The following AGBL1 variants were observed in gnomAD, a reference collection of about 807,000 sequenced individuals.
AGBL1 encodes cytosolic carboxypeptidase 4.
AGBL1 carries 130 observed loss-of-function variants against 118.9 expected under a neutral mutation model. The ratio of observed to expected loss-of-function variants is 1.09; its 90% confidence interval spans 0.95 to 1.26. AGBL1 has a LOEUF of 1.26. Among genes scored for constraint, AGBL1 ranks in the 50% most tolerant of loss-of-function variants. AGBL1 has a pLI of 0.00. For missense variants in AGBL1, 1,584 were observed against 1,298.1 expected, an observed-to-expected ratio of 1.22 and a Z score of -3.38; for synonymous variants, 555 against 478.9, an observed-to-expected ratio of 1.16 and a Z score of -2.08.
At chr15:86,978,412 T>A (rs971743025) in intron 23 of AGBL1, among the ~76,000 whole-genome samples, 2 of 152,122 alleles carry the variant, frequency 1.3e-5, no homozygotes, top group African/African-American at 4.8e-5. Context: ...CAGACCAAAT[T>A]TAGCAACGAA....
At chr15:86,782,681 A>T (rs1426988303) in intron 22 of AGBL1, among the ~76,000 whole-genome samples, 1 of 152,220 alleles carries the variant, frequency 6.6e-6, no homozygotes, top group Admixed American at 6.5e-5. Flanking sequence ...TATCAATCAA[A>T]TTCAGGATCG....
intron 22 of AGBL1, among the ~76,000 whole-genome samples, chr15:86,856,049 C>T (rs2079475240): frequency 6.6e-6 from 1 of 152,258 alleles, no homozygotes; most frequent in East Asian, 1.9e-4. Context: ...AATGTACCCT[C>T]TCACAGTCCC....
intron 22 of AGBL1, among the ~76,000 whole-genome samples, chr15:86,689,682 A>G (rs2086128379): frequency 6.6e-6 from 1 of 151,920 alleles, no homozygotes; most frequent in South Asian, 2.1e-4. Context: ...CCTATTAGAG[A>G]ACTTTTATGT....
At chr15:86,791,958 AC>A (rs1428847629) in intron 22 of AGBL1, among the ~76,000 whole-genome samples, 6 of 151,158 alleles carry the variant, frequency 4.0e-5, no homozygotes, top group Non-Finnish European at 5.9e-5. Flanking sequence ...CTGGTCTTGA[AC>A]TCCTGGCCTC....
chr15:86,720,405 T>A (rs1409731403), intron 22 of AGBL1, among the ~76,000 whole-genome samples: 1 of 152,192 alleles, frequency 6.6e-6, no homozygotes, highest in African/African-American at 2.4e-5. Flanking sequence ...ACCAACTTAT[T>A]TTTGTTCTTA....
intron 21 of AGBL1, among the ~76,000 whole-genome samples, chr15:86,657,481 G>A (rs2085479463): frequency 6.6e-6 from 1 of 152,188 alleles, no homozygotes; most frequent in Admixed American, 6.5e-5. Flanking sequence ...AATACTCTGT[G>A]TGTGTTTGTA....
In AGBL1 at chr15:86,384,055, C is replaced by T. The variant is rs190731776; in HGVS notation, c.2375-13311C>T. 6.1e-4 allele frequency among the ~76,000 whole-genome samples: 93 copies of T among 152,240 alleles called. 1 individual carries two copies. Among genetic ancestry groups the T allele is most frequent in the African/African-American group, 2.0e-3 (85 of 41,538 alleles). On this transcript the variant is annotated intron_variant, in intron 17 of 22. Transcript: ENST00000614907. ...GAATGAGTCTTCGTGGAGCATGTCA[C>T]GGTCCCCTTCCCATCTCATTTTGGT...
intron 22 of AGBL1, among the ~76,000 whole-genome samples, chr15:86,751,619 C>G (rs1194729557): frequency 1.3e-5 from 2 of 152,128 alleles, no homozygotes; most frequent in Non-Finnish European, 2.9e-5. Flanking sequence ...AATTACCCTC[C>G]AAGTCACATT....
At chr15:86,985,243 T>C (rs2141729437) in intron 23 of AGBL1, among the ~76,000 whole-genome samples, 1 of 152,322 alleles carries the variant, frequency 6.6e-6, no homozygotes, top group African/African-American at 2.4e-5. Context: ...TTCATTGCTC[T>C]TGGGTAAGTA....
chr15:86,347,527 A>G (rs2080557237), intron 17 of AGBL1, among the ~76,000 whole-genome samples: 2 of 152,244 alleles, frequency 1.3e-5, no homozygotes, highest in South Asian at 4.1e-4. Context: ...CAAGAAATGA[A>G]CTTTTTCTAG....
rs570155210 is a variant in AGBL1, at chr15:86,286,699, G to A, written c.2220+6916G>A. On this transcript the variant is annotated intron_variant, in intron 16 of 22. Transcript: ENST00000614907. ...TGTGTATGTATGTATATATATATGT[G>A]TGTGTGTATATATATGTGTGTGTGT... Among the ~76,000 whole-genome samples, 3 of 139,936 alleles carry A rather than the reference G, an allele frequency of 2.1e-5. No individual in the cohort carries two copies. In the South Asian group the frequency reaches 6.6e-4, roughly 31 times the overall value. 91.8% of individuals were successfully genotyped at this position (139,936 alleles called of 152,430 possible). A position where few individuals can be genotyped will look rare whatever the true frequency, so the allele number is the denominator to read the frequency against.
At chr15:86,548,752 A>G (rs1444193800) in intron 20 of AGBL1, among the ~76,000 whole-genome samples, 3 of 152,038 alleles carry the variant, frequency 2.0e-5, no homozygotes, top group Non-Finnish European at 4.4e-5. Context: ...AAAAGCTAAG[A>G]TAGGCTCTCT....
chr15:86,568,996 A>T (rs1205146611), intron 21 of AGBL1, among the ~76,000 whole-genome samples: 3 of 152,024 alleles, frequency 2.0e-5, no homozygotes, highest in Non-Finnish European at 4.4e-5. Flanking sequence ...CAACATTTTA[A>T]TGTTACATAA....
At chr15:86,900,255 A>G (rs759696509) in intron 22 of AGBL1, among the ~76,000 whole-genome samples, 28 of 152,296 alleles carry the variant, frequency 1.8e-4, no homozygotes, top group African/African-American at 6.0e-4. Context: ...ATGTGAGTCA[A>G]TTCTCCAAAT....
chr15:86,366,874 T>A (rs886828924), intron 17 of AGBL1, among the ~76,000 whole-genome samples: 1 of 152,170 alleles, frequency 6.6e-6, no homozygotes, highest in Non-Finnish European at 1.5e-5. Context: ...AGCTAAGTGA[T>A]TGCCTTTGTT....
intron 21 of AGBL1, among the ~76,000 whole-genome samples, chr15:86,661,933 A>G (rs1247618435): frequency 1.3e-5 from 2 of 152,154 alleles, no homozygotes; most frequent in African/African-American, 4.8e-5. Context: ...TCTTCGTTCA[A>G]CTTCCACTTT....
chr15:86,750,675 G>A (rs939592224), intron 22 of AGBL1, among the ~76,000 whole-genome samples: 7 of 151,978 alleles, frequency 4.6e-5, no homozygotes, highest in African/African-American at 1.7e-4. Context: ...GGGTACAAGT[G>A]CAGGTTTGTT....
chr15:86,995,665 C>T (rs1301979387), intron 24 of AGBL1, among the ~76,000 whole-genome samples: 2 of 152,166 alleles, frequency 1.3e-5, no homozygotes, highest in Non-Finnish European at 2.9e-5. Context: ...CTTTTTGCCA[C>T]CAATGTCTCT....
chr15:86,559,889 C>T (rs1473209310), intron 21 of AGBL1, among the ~76,000 whole-genome samples: 1 of 152,088 alleles, frequency 6.6e-6, no homozygotes, highest in Non-Finnish European at 1.5e-5. Context: ...GCAGGAGACC[C>T]ACCTTCTGCA....
Sources: gnomAD v4.1 joint callset for allele counts (sites outside exome capture counted in the v4.1 genomes callset) on GRCh38, gnomAD v4.1.1 for gene constraint, MANE v1.5 for transcripts, NCBI Gene and HGNC (gene_info 2026-07-23, HGNC 2026-07-21) for gene names.